Variants in DPF3 observed in about 807,000 individuals in gnomAD.
DPF3 encodes zinc finger protein DPF3.
A neutral mutation model predicts 56.8 loss-of-function variants in DPF3; 18 were observed. The ratio of observed to expected loss-of-function variants is 0.32; its 90% CI spans 0.22 to 0.47. The LOEUF is 0.47. DPF3 is among the 20% of genes least tolerant of loss of function. The pLI, the probability that DPF3 is intolerant of heterozygous loss-of-function variation, is 1.00. For synonymous variants in DPF3, 188 were observed against 180.2 expected (o/e 1.04, Z -0.35); for missense variants, 403 against 488.8 (o/e 0.82, Z 1.65).
chr14:72,818,755 A>T (rs1374442128), intron 1 of DPF3, among the ~76,000 whole-genome samples: 1 of 152,248 alleles, frequency 6.6e-6, no homozygotes, highest in Non-Finnish European at 1.5e-5. Context: ...TATAATTCAC[A>T]CCACTAAATA....
rs761865866 is a variant in DPF3, at chr14:72,771,764, G to A, written c.162C>T (p.Tyr54=). The A allele has an allele frequency of 3.7e-6, 6 of 1,613,354 alleles. No homozygotes were observed. The highest frequency in any genetic ancestry group is 4.2e-6 in the Non-Finnish European group (5 of 1,179,622). ...SQTGVAQNNC[Y]IWMEKRHRGP... ...CTCGGTGCCTCTTCTCCATCCAGATGTAGCAGTTGTTCTGGGCCACCCCAG... is the reference window on the plus strand; with the variant it reads ...CTCGGTGCCTCTTCTCCATCCAGATATAGCAGTTGTTCTGGGCCACCCCAG... The change falls in exon 2 of 11, where the codon TAC becomes TAT. Residue 54 remains tyrosine, a synonymous_variant. Coordinates refer to ENST00000556509, the MANE Select transcript of DPF3 (RefSeq NM_001280542.3).
At chr14:72,809,003 T>A (rs1181754517) in intron 1 of DPF3, among the ~76,000 whole-genome samples, 1 of 152,248 alleles carries the variant, frequency 6.6e-6, no homozygotes, top group Non-Finnish European at 1.5e-5. Flanking sequence ...CTTGTAGCTC[T>A]AATATTCATA....
chr14:72,753,890 C>T (rs1369522725), intron 2 of DPF3, among the ~76,000 whole-genome samples: 3 of 152,158 alleles, frequency 2.0e-5, no homozygotes, highest in African/African-American at 7.2e-5. Context: ...TGGCAGCTCA[C>T]TGTAGGCAAA....
At chr14:72,892,840 A>G (rs1037236990) in intron 1 of DPF3, among the ~76,000 whole-genome samples, 1 of 152,104 alleles carries the variant, frequency 6.6e-6, no homozygotes, top group African/African-American at 2.4e-5. Flanking sequence ...CCCTCTGCCG[A>G]CATCACCCAA....
At chr14:72,714,105 T>A (rs1277424538) in intron 6 of DPF3, among the ~76,000 whole-genome samples, 2 of 152,046 alleles carry the variant, frequency 1.3e-5, no homozygotes, top group African/African-American at 4.8e-5. Flanking sequence ...AGAGGATGAA[T>A]CTTAAAGGAG....
At chr14:72,879,379 CAA>C (rs777339050) in intron 1 of DPF3, among the ~76,000 whole-genome samples, 12 of 114,304 alleles carry the variant, frequency 1.0e-4, no homozygotes, top group Admixed American at 1.7e-4. Context: ...ATTCCATCTC[CAA>C]AAAAAAAAAA....
chr14:72,857,548 C>T (rs1043273103), intron 1 of DPF3, among the ~76,000 whole-genome samples: 4 of 151,942 alleles, frequency 2.6e-5, no homozygotes, highest in African/African-American at 9.7e-5. Context: ...TATTTGGCAC[C>T]TAGTACATGC....
intron 1 of DPF3, among the ~76,000 whole-genome samples, chr14:72,790,567 A>T (rs1892388130): frequency 6.6e-6 from 1 of 152,202 alleles, no homozygotes; most frequent in Admixed American, 6.5e-5. Context: ...GTACCCTGAT[A>T]TGAGGTAGAG....
chr14:72,834,086 G>A lies in DPF3; in HGVS notation c.32+59971C>T, dbSNP rs559147125. On this transcript the variant is annotated intron_variant, in intron 1 of 10. Transcript: ENST00000556509. ...AATCCCAGCTGCTCAAGAGGCTGAG[G>A]CACGAGAATTGAACCTGGGAGGAGA... Among the ~76,000 whole-genome samples, 8 of 152,224 alleles carry A rather than the reference G, an allele frequency of 5.3e-5. No homozygotes were observed. The South Asian group carries it at 1.5e-3, about 28-fold the overall frequency.
chr14:72,739,824 G>A (rs1429793699), intron 3 of DPF3, among the ~76,000 whole-genome samples: 1 of 152,210 alleles, frequency 6.6e-6, no homozygotes, highest in African/African-American at 2.4e-5. Flanking sequence ...TATCGACTCT[G>A]TTCTAGGTGC....
chr14:72,817,297 T>C (rs573954059), intron 1 of DPF3, among the ~76,000 whole-genome samples: 1 of 152,146 alleles, frequency 6.6e-6, no homozygotes, highest in East Asian at 1.9e-4. Flanking sequence ...GCTATGGGGG[T>C]AGGAAGAATC....
Position 72,719,414 on chromosome 14 carries a change from C to T in DPF3, c.525+4219G>A, listed in dbSNP as rs556064379. 7.9e-5 allele frequency among the ~76,000 whole-genome samples: 12 copies of T among 152,270 alleles called. No homozygotes were observed. The South Asian group carries it at 2.5e-3, about 32-fold the overall frequency. On this transcript the variant is annotated intron_variant, in intron 5 of 10. Coordinates refer to ENST00000556509, the MANE Select transcript of DPF3 (RefSeq NM_001280542.3). ...CCTGACACCAGCAGCTCCAGCATCA[C>T]TTGGGAGCTTATTAAAAAGGCAGGA... is the stretch of plus-strand genomic sequence containing the variant.
intron 6 of DPF3, among the ~76,000 whole-genome samples, chr14:72,710,959 C>G (rs1214703904): frequency 6.6e-6 from 1 of 152,164 alleles, no homozygotes; most frequent in African/African-American, 2.4e-5. Context: ...AATTCAATGA[C>G]TGAGTAAAAG....
At chr14:72,678,806 T>C (rs1396941554) in intron 7 of DPF3, among the ~76,000 whole-genome samples, 2 of 152,124 alleles carry the variant, frequency 1.3e-5, no homozygotes, top group African/African-American at 4.8e-5. Flanking sequence ...GCTGAGATCA[T>C]ATAAGAGATA....
chr14:72,892,399 A>G (rs980071342), intron 1 of DPF3: 1 of 1,506,264 alleles, frequency 6.6e-7, no homozygotes, highest in Admixed American at 2.1e-5. Context: ...CGAGCTTCCG[A>G]GCCAGAACTG....
At chr14:72,864,187 G>A (rs988469730) in intron 1 of DPF3, among the ~76,000 whole-genome samples, 4 of 151,776 alleles carry the variant, frequency 2.6e-5, no homozygotes, top group Non-Finnish European at 4.4e-5. Context: ...TCAGGGCCTG[G>A]GCACAGGGCA....
intron 1 of DPF3, among the ~76,000 whole-genome samples, chr14:72,773,137 T>G (rs1347823916): frequency 9.3e-5 from 14 of 149,880 alleles, no homozygotes; most frequent in African/African-American, 2.2e-4. Flanking sequence ...TTTTGGGTTT[T>G]TTTTTTTTTT....
intron 8 of DPF3, among the ~76,000 whole-genome samples, chr14:72,646,250 G>A (rs137916346): frequency 1.3e-5 from 2 of 152,290 alleles, no homozygotes; most frequent in Non-Finnish European, 2.9e-5. Flanking sequence ...CATCCTCCAA[G>A]TCCAGTCCAA....
At chr14:72,892,080 T>G in intron 1 of DPF3, 1 of 1,353,004 alleles carries the variant, frequency 7.4e-7, no homozygotes, top group Non-Finnish European at 9.6e-7. Flanking sequence ...TTAGAGATAC[T>G]GCGCCCGCCC....
Sources: allele counts gnomAD v4.1 joint callset (sites outside exome capture counted in the v4.1 genomes callset), GRCh38; gene constraint gnomAD v4.1.1; transcripts MANE v1.5; gene names NCBI Gene and HGNC (gene_info 2026-07-23, HGNC 2026-07-21).